Variants in ADAM19 observed in about 807,000 individuals in gnomAD.
ADAM19 encodes ADAM metallopeptidase domain 19.
In ADAM19, 65 loss-of-function variants were observed where a neutral mutation model predicts 114.7. The ratio of observed to expected loss-of-function variants is 0.57; its 90% CI spans 0.46 to 0.70. The LOEUF (loss-of-function observed/expected upper bound fraction) is 0.70. Ranked by LOEUF, ADAM19 falls within the 30% of genes least tolerant of loss-of-function variation. ADAM19 has a pLI of 0.00. For missense variants in ADAM19, 1,063 were observed against 1,204.7 expected (o/e 0.88, Z 1.74); for synonymous variants, 466 against 460.5 (o/e 1.01, Z -0.15).
chr5:157,526,319 TTTAAA>T (rs1463617758), intron 5 of ADAM19, among the ~76,000 whole-genome samples: 1 of 152,164 alleles, frequency 6.6e-6, no homozygotes, highest in Non-Finnish European at 1.5e-5. Flanking sequence ...ACTTTCACTT[TTTAAA>T]GCTTACACAT....
At chr5:157,562,050 T>C (rs1443110277) in intron 3 of ADAM19, among the ~76,000 whole-genome samples, 1 of 152,160 alleles carries the variant, frequency 6.6e-6, no homozygotes, top group Non-Finnish European at 1.5e-5. Context: ...ACACAGTGAT[T>C]TGAAAAATTA....
At chr5:157,529,962 A>G (rs1275028897) in intron 5 of ADAM19, among the ~76,000 whole-genome samples, 1 of 152,062 alleles carries the variant, frequency 6.6e-6, no homozygotes, top group Non-Finnish European at 1.5e-5. Flanking sequence ...TCCATTTCCT[A>G]TTTCACCACC....
chr5:157,543,222 T>C (rs747388922), intron 3 of ADAM19, among the ~76,000 whole-genome samples: 1 of 152,214 alleles, frequency 6.6e-6, no homozygotes, highest in East Asian at 1.9e-4. Context: ...ATTAGATAAA[T>C]AAAACTTCGA....
At chr5:157,509,210 C>T in intron 9 of ADAM19, 91 bp downstream of exon 9, 2 of 1,370,984 alleles carry the variant, frequency 1.5e-6, no homozygotes, top group Non-Finnish European at 2.0e-6. Context: ...GTACAACCAA[C>T]ACTCGCCATG....
In ADAM19 at chr5:157,481,920, G is replaced by A. The variant is rs1483808678; in HGVS notation, c.2574C>T (p.Pro858=). 6.2e-7 allele frequency: 1 copy of A among 1,605,754 alleles called. No homozygotes were observed. Among genetic ancestry groups the A allele is most frequent in the South Asian group, 1.1e-5 (1 of 89,506 alleles). Residue 858 remains proline, a synonymous_variant, in exon 22 of 23, where the codon CCC becomes CCT. Coordinates refer to ENST00000257527, the MANE Select transcript of ADAM19 (RefSeq NM_033274.5). ...VSQDFSRPRP[P]QKALPANPVP... ...CTGGGTTTGCCGGGAGTGCCTTCTG[G>A]GGCGGCCGAGGCCTGGAGAAGTCCT...
chr5:157,572,360 G>A (rs1315930987), intron 1 of ADAM19: 18 of 431,356 alleles, frequency 4.2e-5, no homozygotes, highest in East Asian at 2.9e-4. Context: ...AAATACTGGC[G>A]GCAGACTATC....
intron 5 of ADAM19, among the ~76,000 whole-genome samples, chr5:157,523,713 T>A (rs1756373676): frequency 6.6e-6 from 1 of 152,170 alleles, no homozygotes; most frequent in Non-Finnish European, 1.5e-5. Flanking sequence ...CTTTATAAAT[T>A]ACCCAGCCTT....
At chr5:157,560,004 G>A (rs1430743720) in intron 3 of ADAM19, among the ~76,000 whole-genome samples, 1 of 152,002 alleles carries the variant, frequency 6.6e-6, no homozygotes, top group Admixed American at 6.6e-5. Context: ...GGTGGCTCAC[G>A]CCTGTAATCC....
At chr5:157,538,940 A>G (rs190262693) in intron 3 of ADAM19, among the ~76,000 whole-genome samples, 174 of 152,246 alleles carry the variant, frequency 1.1e-3, no homozygotes, top group African/African-American at 4.0e-3. Flanking sequence ...TGAGGTGGGC[A>G]GATCACCTGA....
intron 3 of ADAM19, among the ~76,000 whole-genome samples, chr5:157,553,678 T>C (rs1016127328): frequency 3.3e-5 from 5 of 152,248 alleles, no homozygotes; most frequent in Non-Finnish European, 1.5e-5. Flanking sequence ...TTAAAGATTA[T>C]GTACAATCCT....
At chr5:157,496,832 CA>C in intron 14 of ADAM19, 61 bp downstream of exon 14, 3 of 1,448,160 alleles carry the variant, frequency 2.1e-6, no homozygotes, top group Admixed American at 3.0e-5. Context: ...CCCTGAGGGC[CA>C]GGGGAGGCTG....
At chr5:157,502,762 C>T (rs756343184) in intron 12 of ADAM19, 41 bp downstream of exon 12, 8 of 1,596,812 alleles carry the variant, frequency 5.0e-6, no homozygotes, top group Middle Eastern at 1.7e-4. Flanking sequence ...GAAACCAATG[C>T]AAATTCTTCC....
chr5:157,520,395 T>A (rs905544623), intron 5 of ADAM19, among the ~76,000 whole-genome samples: 2 of 151,858 alleles, frequency 1.3e-5, no homozygotes, highest in African/African-American at 2.4e-5. Flanking sequence ...TTAAAACTTA[T>A]GAAGGATGGT....
intron 2 of ADAM19, among the ~76,000 whole-genome samples, chr5:157,565,186 A>C (rs1243856764): frequency 6.6e-6 from 1 of 152,214 alleles, no homozygotes; most frequent in African/African-American, 2.4e-5. Flanking sequence ...CCAGTGGTTG[A>C]TAAGCACAAA....
chr5:157,497,104 G>T lies in ADAM19; in HGVS notation c.1399-15C>A. The T allele has an allele frequency of 6.7e-7, 1 of 1,498,488 alleles. No homozygotes were observed. The highest frequency in any genetic ancestry group is 1.4e-5 in the South Asian group (1 of 73,488). 92.8% of individuals were successfully genotyped at this position (1,498,488 alleles called of 1,614,324 possible). On this transcript the variant is annotated splice_polypyrimidine_tract_variant and intron_variant, in intron 13 of 22. Coordinates refer to ENST00000257527, the MANE Select transcript of ADAM19 (RefSeq NM_033274.5). ...GGAGCCAACAGCTGAGCCAAGGAATGAGAGGAAAACACAGTCAATCTCCTC... is the reference window on the plus strand; with the variant it reads ...GGAGCCAACAGCTGAGCCAAGGAATTAGAGGAAAACACAGTCAATCTCCTC...
At chr5:157,520,179 G>A (rs1756237843) in intron 5 of ADAM19, 148 bp from the exon 6 acceptor site, 8 of 703,998 alleles carry the variant, frequency 1.1e-5, no homozygotes, top group South Asian at 4.1e-5. Context: ...GTACCCCTTC[G>A]TGAGACTCTG....
intron 3 of ADAM19, among the ~76,000 whole-genome samples, chr5:157,554,869 T>C (rs1289423928): frequency 6.6e-6 from 1 of 152,162 alleles, no homozygotes; most frequent in Non-Finnish European, 1.5e-5. Context: ...TGCCAAAGCT[T>C]ACACCTCCAG....
At chr5:157,485,037 C>T (rs1754889698) in intron 21 of ADAM19, among the ~76,000 whole-genome samples, 1 of 152,256 alleles carries the variant, frequency 6.6e-6, no homozygotes, top group Admixed American at 6.5e-5. Context: ...GCTACTCTGG[C>T]CCATGCTCCC....
intron 7 of ADAM19, among the ~76,000 whole-genome samples, chr5:157,515,850 C>T (rs941878288): frequency 6.6e-6 from 1 of 152,124 alleles, no homozygotes; most frequent in Non-Finnish European, 1.5e-5. Context: ...ACCTGGATTC[C>T]GTTCCACCTG....
Sources: gnomAD v4.1 joint callset for allele counts (sites outside exome capture counted in the v4.1 genomes callset) on GRCh38, gnomAD v4.1.1 for gene constraint, MANE v1.5 for transcripts, NCBI Gene and HGNC (gene_info 2026-07-23, HGNC 2026-07-21) for gene names.